Variants in DMD observed in about 807,000 individuals in gnomAD.
DMD encodes the protein mutant dystrophin.
DMD carries 63 observed loss-of-function variants against 330.1 expected under a neutral mutation model. The ratio of observed to expected loss-of-function variants is 0.19; its 90% confidence interval spans 0.16 to 0.24. The LOEUF is 0.24. DMD is among the 10% of genes least tolerant of loss of function. DMD has a pLI of 1.00. For synonymous variants in DMD, 1,223 were observed against 959.8 expected (o/e 1.27, Z -5.07); for missense variants, 3,344 against 2,684.1 (o/e 1.25, Z -5.43).
intron 13 of DMD, among the ~76,000 whole-genome samples, chrX:32,577,217 A>G (rs1249469961): frequency 3.6e-5 from 4 of 111,948 alleles, no homozygotes; most frequent in African/African-American, 1.3e-4. Flanking sequence ...CCACGTGAGG[A>G]TACAGGAACA....
intron 44 of DMD, among the ~76,000 whole-genome samples, chrX:32,178,978 CTCT>C (rs2147441328): frequency 9.4e-6 from 1 of 105,968 alleles, no homozygotes; most frequent in South Asian, 4.3e-4. Flanking sequence ...CTCTCTCTCT[CTCT>C]CCCTCTCCTC....
At chrX:32,909,150 C>CAAA (rs36075436) in intron 2 of DMD, among the ~76,000 whole-genome samples, 2 of 68,240 alleles carry the variant, frequency 2.9e-5, no homozygotes, top group African/African-American at 6.0e-5. Flanking sequence ...TCTATATGAG[C>CAAA]AAAAAAAAAA....
At chrX:31,391,717 A>C (rs1289086112) in intron 60 of DMD, among the ~76,000 whole-genome samples, 1 of 109,747 alleles carries the variant, frequency 9.1e-6, no homozygotes, top group Non-Finnish European at 1.9e-5. Flanking sequence ...CTAAAAATAC[A>C]AAAATTAGCT....
chrX:32,402,444 A>T (rs1603632639), intron 30 of DMD, among the ~76,000 whole-genome samples: 1 of 111,098 alleles, frequency 9.0e-6, no homozygotes, highest in East Asian at 2.8e-4. Flanking sequence ...ACTTTAGGAC[A>T]TTTTTTATTA....
At chrX:32,416,324 A>C (rs2147979895) in intron 29 of DMD, among the ~76,000 whole-genome samples, 1 of 112,261 alleles carries the variant, frequency 8.9e-6, no homozygotes, top group South Asian at 3.7e-4. Context: ...CAAATGGATT[A>C]AGAATGTGGG....
chrX:32,744,617 G>T (rs2069739469), intron 7 of DMD, among the ~76,000 whole-genome samples: 1 of 110,911 alleles, frequency 9.0e-6, no homozygotes, highest in Non-Finnish European at 1.9e-5. Context: ...TATTTAAACT[G>T]GACTTCTGTT....
intron 44 of DMD, among the ~76,000 whole-genome samples, chrX:32,136,918 G>C (rs1464598191): frequency 9.0e-6 from 1 of 110,652 alleles, no homozygotes; most frequent in Non-Finnish European, 1.9e-5. Context: ...TAGATGACGA[G>C]TTAGTGGGTG....
chrX:31,407,609 C>CT (rs2061458015), intron 60 of DMD, among the ~76,000 whole-genome samples: 1 of 105,712 alleles, frequency 9.5e-6, no homozygotes, highest in Non-Finnish European at 1.9e-5. Context: ...GTAGCTGGGA[C>CT]TACAGGCACC....
At chrX:32,840,884 A>C (rs1037235209) in intron 4 of DMD, among the ~76,000 whole-genome samples, 1 of 111,877 alleles carries the variant, frequency 8.9e-6, no homozygotes, top group Non-Finnish European at 1.9e-5. Context: ...TTTTTGGCAA[A>C]CTGGGAAATG....
rs901540468 is a variant in DMD, at chrX:32,253,034, A to G, written c.6290+34495T>C. 2.1e-4 allele frequency among the ~76,000 whole-genome samples: 21 copies of G among 100,287 alleles called. No homozygotes were observed. In the Admixed American group the frequency reaches 2.5e-3, roughly 12 times the overall value. 87.1% of individuals were successfully genotyped at this position (100,287 alleles called of 115,157 possible). A position where few individuals can be genotyped will look rare whatever the true frequency, so the allele number is the denominator to read the frequency against. On this transcript the variant is annotated intron_variant, in intron 43 of 78. Transcript: ENST00000357033. The stretch of plus-strand genomic sequence containing the variant: ...ATAAAACTTTCCCGATCGATTAAGT[A>G]TTGGTATGGAGTCAGAGAAGTGAGG...
chrX:31,770,439 T>C (rs922594111), intron 51 of DMD, among the ~76,000 whole-genome samples: 1 of 105,950 alleles, frequency 9.4e-6, no homozygotes, highest in Non-Finnish European at 2.0e-5. Context: ...ATTCCTCTGA[T>C]ATACTCTGTT....
rs369407430 is a variant in DMD, at chrX:33,141,417, C to T, written c.31+69865G>A. ...CTCGCTACTGGTCAAAAGTTGTAAA[C>T]GAGCAGTTACATATTTTTTGCTGCT... On this transcript the variant is annotated intron_variant, in intron 1 of 78. Coordinates refer to ENST00000357033, the MANE Select transcript of DMD (RefSeq NM_004006.3). Among the ~76,000 whole-genome samples, 44 of 111,258 alleles carry T rather than the reference C, an allele frequency of 4.0e-4. 1 individual carries two copies. The South Asian group carries it at 6.9e-3, about 17-fold the overall frequency.
intron 6 of DMD, among the ~76,000 whole-genome samples, chrX:32,815,773 C>T (rs978651473): frequency 2.7e-5 from 3 of 110,128 alleles, no homozygotes; most frequent in Non-Finnish European, 3.8e-5. Flanking sequence ...CACTGTATTA[C>T]AGTGAATTCT....
intron 1 of DMD, among the ~76,000 whole-genome samples, chrX:33,181,878 A>G (rs1279383435): frequency 8.9e-6 from 1 of 112,081 alleles, no homozygotes; most frequent in African/African-American, 3.2e-5. Context: ...TTGACGGCCA[A>G]CCCAGTGCTT....
At chrX:32,894,654 G>T (rs766825504) in intron 2 of DMD, among the ~76,000 whole-genome samples, 5 of 112,563 alleles carry the variant, frequency 4.4e-5, no homozygotes, top group Non-Finnish European at 9.4e-5. Context: ...GACAAGGAAG[G>T]GCTCTCTTGC....
Position 32,644,245 on chromosome X carries a change from C to CAGCTT in DMD, c.1213_1217dup (p.Ile407SerfsTer2). 1 of 1,211,047 alleles carries CAGCTT rather than the reference C, an allele frequency of 8.3e-7. No homozygotes were observed. The highest frequency in any genetic ancestry group is 1.1e-6 in the Non-Finnish European group (1 of 895,046). ...CTTCTGATAATTTTCCTGTTCCAAT[C>CAGCTT]AGCTTACTTCCCAATTGTAGAATAT... On this transcript the variant is annotated frameshift_variant, in exon 11 of 79. Transcript: ENST00000357033. LOFTEE classifies it high-confidence loss of function.
intron 7 of DMD, among the ~76,000 whole-genome samples, chrX:32,786,451 A>C (rs1436159828): frequency 9.0e-6 from 1 of 111,102 alleles, no homozygotes; most frequent in Non-Finnish European, 1.9e-5. Context: ...TCCCTTTGAT[A>C]ACTTTAGTGT....
chrX:31,364,748 C>T (rs771544090), intron 60 of DMD, among the ~76,000 whole-genome samples: 1 of 111,220 alleles, frequency 9.0e-6, no homozygotes, highest in East Asian at 2.8e-4. Flanking sequence ...ATTTTACCAA[C>T]TGCGGCATTA....
At chrX:31,579,021 G>A (rs931742761) in intron 55 of DMD, among the ~76,000 whole-genome samples, 4 of 111,636 alleles carry the variant, frequency 3.6e-5, no homozygotes, top group African/African-American at 1.3e-4. Context: ...CTCAGCCCTG[G>A]GATGGTTAGG....
Sources: allele counts gnomAD v4.1 joint callset (sites outside exome capture counted in the v4.1 genomes callset), GRCh38; gene constraint gnomAD v4.1.1; transcripts MANE v1.5; gene names NCBI Gene and HGNC (gene_info 2026-07-23, HGNC 2026-07-21).